Variants in WWOX observed in about 807,000 individuals in gnomAD.
The protein encoded by WWOX is WW domain containing oxidoreductase, also known as WW domain-containing oxidoreductase.
Under a neutral mutation model 46.2 loss-of-function variants are expected in WWOX, and 69 were observed. The observed-to-expected ratio is 1.49, with a 90% CI of 1.23 to 1.82. The LOEUF is 1.82. WWOX is among the 40% of genes most tolerant of loss of function. The pLI is 0.00. For synonymous variants in WWOX, 359 were observed against 202.6 expected (o/e 1.77, Z -6.56); for missense variants, 919 against 542.6 (o/e 1.69, Z -6.89).
At chr16:78,820,617 A>T (rs926143732) in intron 8 of WWOX, among the ~76,000 whole-genome samples, 2 of 152,116 alleles carry the variant, frequency 1.3e-5, no homozygotes, top group African/African-American at 4.8e-5. Context: ...GGTGAAAGCA[A>T]GACCACAGGG....
chr16:79,173,654 C>G (rs2050744427), intron 8 of WWOX, among the ~76,000 whole-genome samples: 1 of 150,984 alleles, frequency 6.6e-6, no homozygotes, highest in African/African-American at 2.4e-5. Context: ...AAAAAAAAAC[C>G]CACCTAGTGA....
rs1490210418 is a variant in WWOX, at chr16:78,558,109, C to T, written c.1056+125357C>T. On this transcript the variant is annotated intron_variant, in intron 8 of 8. Transcript: ENST00000566780. The stretch of plus-strand genomic sequence containing the variant: ...GTGATTCTGAAGGCCCCGGCTCATT[C>T]TTGGCTTTCAGAGAGGTTTGCTTTC... Among the ~76,000 whole-genome samples the T allele has an allele frequency of 4.5e-4, 69 of 152,078 alleles. 1 individual carries two copies. The highest frequency in any genetic ancestry group is 4.5e-3 in the Admixed American group (69 of 15,280).
intron 8 of WWOX, among the ~76,000 whole-genome samples, chr16:78,530,394 T>C (rs978672720): frequency 6.6e-6 from 1 of 152,158 alleles, no homozygotes; most frequent in African/African-American, 2.4e-5. Flanking sequence ...CTGATGAAAG[T>C]GGCTTTCACT....
intron 5 of WWOX, among the ~76,000 whole-genome samples, chr16:78,338,921 T>A (rs2080952403): frequency 8.3e-6 from 1 of 121,202 alleles, no homozygotes; most frequent in Admixed American, 8.1e-5. Flanking sequence ...CAGCATCAAC[T>A]TCTTCTTCAT....
chr16:79,135,444 C>A (rs1020359567), intron 8 of WWOX, among the ~76,000 whole-genome samples: 1 of 152,144 alleles, frequency 6.6e-6, no homozygotes, highest in African/African-American at 2.4e-5. Context: ...TGTAATAAAT[C>A]TGTTAAATAA....
intron 8 of WWOX, among the ~76,000 whole-genome samples, chr16:78,863,825 G>T (rs549170270): frequency 1.2e-4 from 19 of 152,292 alleles, no homozygotes; most frequent in Middle Eastern, 6.8e-3. Context: ...AAAAAACTAT[G>T]TCCACATCCT....
intron 8 of WWOX, among the ~76,000 whole-genome samples, chr16:78,580,970 C>G (rs1222688314): frequency 6.6e-6 from 1 of 152,094 alleles, no homozygotes; most frequent in African/African-American, 2.4e-5. Flanking sequence ...AAAGAGTAAT[C>G]TATTGAAAAG....
At position 78,170,145 on chromosome 16, in the gene WWOX, C is replaced by T. The variant is rs1172334111; in HGVS notation, c.516+5856C>T. Among the ~76,000 whole-genome samples, 2 of 152,122 alleles carry T rather than the reference C, an allele frequency of 1.3e-5. 1 individual carries two copies. Among genetic ancestry groups the T allele is most frequent in the Non-Finnish European group, 2.9e-5 (2 of 68,020 alleles). ...ATGTTTGTGGCAACCAAAATGTCTC[C>T]AGGCATTGCCAGATGTCTCTTGGGG... On this transcript the variant is annotated intron_variant, in intron 5 of 8. Transcript: ENST00000566780.
intron 4 of WWOX, among the ~76,000 whole-genome samples, chr16:78,160,259 A>G (rs904615680): frequency 1.3e-5 from 2 of 151,666 alleles, no homozygotes; most frequent in Non-Finnish European, 1.5e-5. Flanking sequence ...CATCCTCCTG[A>G]GTAGCTGGGA....
intron 8 of WWOX, among the ~76,000 whole-genome samples, chr16:78,845,455 C>T (rs561714389): frequency 6.6e-6 from 1 of 152,280 alleles, no homozygotes; most frequent in African/African-American, 2.4e-5. Context: ...CAAATATGTC[C>T]TTATGGCCAC....
At chr16:79,189,941 G>C (rs577114243) in intron 8 of WWOX, among the ~76,000 whole-genome samples, 2 of 148,994 alleles carry the variant, frequency 1.3e-5, no homozygotes, top group Admixed American at 6.7e-5. Context: ...GGAAGGGGGG[G>C]GGGATAAAGA....
chr16:78,813,333 C>A (rs148988074), intron 8 of WWOX, among the ~76,000 whole-genome samples: 1 of 151,860 alleles, frequency 6.6e-6, no homozygotes, highest in Non-Finnish European at 1.5e-5. Flanking sequence ...AAAAAACACT[C>A]AGAAATTTAA....
intron 5 of WWOX, among the ~76,000 whole-genome samples, chr16:78,217,584 C>T (rs555956512): frequency 8.5e-5 from 13 of 152,164 alleles, no homozygotes; most frequent in Non-Finnish European, 1.3e-4. Context: ...GCTGGGCTTC[C>T]GACCTTAATA....
At chr16:78,905,742 C>G (rs544760231) in intron 8 of WWOX, among the ~76,000 whole-genome samples, 1 of 152,256 alleles carries the variant, frequency 6.6e-6, no homozygotes, top group East Asian at 1.9e-4. Context: ...ATGAGCCGAT[C>G]AAATGTGAGC....
At chr16:79,142,540 G>A (rs948433837) in intron 8 of WWOX, among the ~76,000 whole-genome samples, 1 of 152,166 alleles carries the variant, frequency 6.6e-6, no homozygotes, top group African/African-American at 2.4e-5. Context: ...CTGGGAAGAG[G>A]TAACATTGAT....
At chr16:79,205,389 C>G (rs974650017) in intron 8 of WWOX, 1 of 152,192 alleles carries the variant, frequency 6.6e-6, no homozygotes, top group African/African-American at 2.4e-5. Context: ...CCTTTGTGAA[C>G]CTGTTGCTAG....
At chr16:78,530,157 G>A (rs2043586667) in intron 8 of WWOX, among the ~76,000 whole-genome samples, 1 of 152,144 alleles carries the variant, frequency 6.6e-6, no homozygotes, top group South Asian at 2.1e-4. Flanking sequence ...ACTGGCCCTG[G>A]GATAGCATCT....
chr16:78,246,509 C>A (rs1169892558), intron 5 of WWOX, among the ~76,000 whole-genome samples: 7 of 152,144 alleles, frequency 4.6e-5, no homozygotes, highest in Non-Finnish European at 7.4e-5. Flanking sequence ...TCTTTCAGTG[C>A]CATTTTTGGC....
At chr16:78,671,472 A>G (rs1032351545) in intron 8 of WWOX, among the ~76,000 whole-genome samples, 10 of 152,138 alleles carry the variant, frequency 6.6e-5, no homozygotes, top group African/African-American at 2.4e-4. Context: ...TTTTAAGACA[A>G]TTTGCCTGTG....
Sources: gnomAD v4.1 joint callset for allele counts (sites outside exome capture counted in the v4.1 genomes callset) on GRCh38, gnomAD v4.1.1 for gene constraint, MANE v1.5 for transcripts, NCBI Gene and HGNC (gene_info 2026-07-23, HGNC 2026-07-21) for gene names.